RNF212B: variants seen among roughly 807,000 people sequenced by gnomAD.
RNF212B encodes E3 ubiquitin-protein ligase RNF212B.
In RNF212B, 52 loss-of-function variants were observed where a neutral mutation model predicts 55.5. The observed-to-expected ratio is 0.94, with a 90% CI of 0.75 to 1.18. The LOEUF is 1.18. Among genes scored for constraint, RNF212B ranks in the 50% most tolerant of loss-of-function variants. The probability of loss-of-function intolerance (pLI) is 0.00; values close to 1 mark genes in which losing one functional copy is unlikely to be tolerated. For synonymous variants in RNF212B, 99 were observed against 121.4 expected (o/e 0.82, Z 1.21); for missense variants, 289 against 350.4 (o/e 0.82, Z 1.40).
chr14:23,190,926 G>A (rs534834912), intron 1 of RNF212B, among the ~76,000 whole-genome samples: 111 of 152,242 alleles, frequency 7.3e-4, no homozygotes, highest in Non-Finnish European at 1.2e-3. Context: ...CTCAGGGCCT[G>A]GTAGTAGCTG....
At chr14:23,223,054 C>CA (rs55694130) in intron 2 of RNF212B, among the ~76,000 whole-genome samples, 87,996 of 124,284 alleles carry the variant, frequency 0.71, 31,497 homozygotes, top group South Asian at 0.86. Flanking sequence ...AACTCCGTCT[C>CA]AAAAAAAAAA....
chr14:23,202,440 G>A (rs899778329), intron 2 of RNF212B, among the ~76,000 whole-genome samples: 1 of 152,054 alleles, frequency 6.6e-6, no homozygotes, highest in Non-Finnish European at 1.5e-5. Flanking sequence ...CACCTCTTCC[G>A]TGATAGTCCC....
At chr14:23,196,403 T>C (rs1228172433) in intron 2 of RNF212B, among the ~76,000 whole-genome samples, 1 of 152,112 alleles carries the variant, frequency 6.6e-6, no homozygotes. Flanking sequence ...ACCAACCTCC[T>C]TTCAGTCCTC....
In RNF212B at chr14:23,230,448, A is replaced by C. The variant is rs1001593931; in HGVS notation, c.-1-9897A>C. ...GGCGGGTGGATCACGAGGTCAAGAGATCGAGACCATCCTGGCTAACACGGT... is the reference window on the plus strand; with the variant it reads ...GGCGGGTGGATCACGAGGTCAAGAGCTCGAGACCATCCTGGCTAACACGGT... On this transcript the variant is annotated intron_variant, in intron 2 of 15. Transcript: ENST00000399910. 2.6e-5 allele frequency among the ~76,000 whole-genome samples: 4 copies of C among 152,128 alleles called. No homozygotes were observed. In the East Asian group the frequency reaches 7.7e-4, roughly 29 times the overall value.
At chr14:23,258,364 G>C in intron 4 of RNF212B, 185 bp from the exon 5 acceptor site, 1 of 285,988 alleles carries the variant, frequency 3.5e-6, no homozygotes, top group Non-Finnish European at 6.4e-6. Context: ...AAAGACAGTA[G>C]AAGGCTAGTG....
intron 13 of RNF212B, 21 bp downstream of exon 13, chr14:23,269,981 A>G (rs750200543): frequency 7.9e-7 from 1 of 1,273,168 alleles, no homozygotes; most frequent in South Asian, 1.3e-5. Context: ...TAACATTTCC[A>G]AAGGAATGGA....
chr14:23,217,200 T>G (rs964866406), intron 2 of RNF212B, among the ~76,000 whole-genome samples: 1 of 150,396 alleles, frequency 6.6e-6, no homozygotes, highest in African/African-American at 2.5e-5. Context: ...TAAGTTAACA[T>G]CAGCAGTGGC....
intron 1 of RNF212B, among the ~76,000 whole-genome samples, 149 bp downstream of exon 1, chr14:23,238,204 G>A (rs1254497425): frequency 6.6e-6 from 1 of 152,120 alleles, no homozygotes; most frequent in African/African-American, 2.4e-5. Flanking sequence ...GTCAATTCAG[G>A]GGATGACATT....
rs143149950 is a variant in RNF212B at position 23,219,365 on chromosome 14, A to G, written c.-1-20980A>G. ...AATGATGAACTAATAAAAAATAACAACAACAGCTTTTTAAGACAAAGACAG... is the reference window on the plus strand; with the variant it reads ...AATGATGAACTAATAAAAAATAACAGCAACAGCTTTTTAAGACAAAGACAG... On this transcript the variant is annotated intron_variant, in intron 2 of 15. Coordinates refer to the RNF212B transcript ENST00000399910. Among the ~76,000 whole-genome samples, 449 of 152,362 alleles carry G rather than the reference A, an allele frequency of 2.9e-3. 2 individuals carry two copies. Among genetic ancestry groups the G allele is most frequent in the Non-Finnish European group, 5.2e-3 (353 of 68,026 alleles).
At chr14:23,262,009 A>G (rs146187230) in intron 7 of RNF212B, among the ~76,000 whole-genome samples, 1 of 151,936 alleles carries the variant, frequency 6.6e-6, no homozygotes, top group East Asian at 1.9e-4. Flanking sequence ...AACTCTCTCT[A>G]TATATACACA....
intron 2 of RNF212B, among the ~76,000 whole-genome samples, chr14:23,232,293 C>T (rs1307242836): frequency 6.6e-6 from 1 of 151,724 alleles, no homozygotes; most frequent in African/African-American, 2.4e-5. Context: ...TGCCCGGCCG[C>T]AACCCCATCT....
intron 2 of RNF212B, among the ~76,000 whole-genome samples, chr14:23,240,769 G>A (rs908635800): frequency 6.6e-6 from 1 of 152,216 alleles, no homozygotes; most frequent in Non-Finnish European, 1.5e-5. Context: ...GATGGGAATA[G>A]AGGAAAGTTT....
Position 23,208,757 on chromosome 14 carries a change from G to GTTTTTTTTTTTTTTTTTT in RNF212B, c.-2+15358_-2+15375dup, listed in dbSNP as rs1166613606. ...GCAGTCCCAAGGGCTGCTGGTTGCC[G>GTTTTTTTTTTTTTTTTTT]TTTTTTTTTTTTTTTTTTTGAGACG... On this transcript the variant is annotated intron_variant, in intron 2 of 15. Transcript: ENST00000399910. 2.9e-4 allele frequency among the ~76,000 whole-genome samples: 28 copies of GTTTTTTTTTTTTTTTTTT among 98,116 alleles called. 2 individuals are homozygous for GTTTTTTTTTTTTTTTTTT. The highest frequency in any genetic ancestry group is 1.1e-3 in the African/African-American group (25 of 21,896). 64.4% of individuals were successfully genotyped at this position (98,116 alleles called of 152,430 possible). A position where few individuals can be genotyped will look rare whatever the true frequency, so the allele number is the denominator to read the frequency against.
At chr14:23,229,638 T>A (rs1882380722) in intron 2 of RNF212B, among the ~76,000 whole-genome samples, 1 of 152,188 alleles carries the variant, frequency 6.6e-6, no homozygotes, top group Non-Finnish European at 1.5e-5. Context: ...TATGACTAAT[T>A]ATATTGAGAA....
At chr14:23,242,026 G>C (rs575413346) in intron 2 of RNF212B, among the ~76,000 whole-genome samples, 3 of 134,512 alleles carry the variant, frequency 2.2e-5, no homozygotes, top group African/African-American at 8.3e-5. Context: ...AGCTTGCAGT[G>C]AGCCAAGATC....
At chr14:23,232,647 G>A (rs973881112) in intron 2 of RNF212B, among the ~76,000 whole-genome samples, 1 of 151,270 alleles carries the variant, frequency 6.6e-6, no homozygotes, top group African/African-American at 2.4e-5. Flanking sequence ...GGAGTTGGGG[G>A]GTCAGCCCCC....
At chr14:23,243,191 T>C in intron 2 of RNF212B, 65 bp from the exon 3 acceptor site, 1 of 1,232,200 alleles carries the variant, frequency 8.1e-7, no homozygotes, top group South Asian at 1.3e-5. Context: ...TGCCATGTAC[T>C]TTAAGTCTTT....
chr14:23,253,901 C>T (rs959908667), intron 4 of RNF212B, among the ~76,000 whole-genome samples: 4 of 152,136 alleles, frequency 2.6e-5, no homozygotes, highest in African/African-American at 9.7e-5. Context: ...ATTTCTAAAA[C>T]TTAGTGACTT....
At chr14:23,234,437 T>A (rs978950001), upstream of RNF212B, among the ~76,000 whole-genome samples, 9 of 152,166 alleles carry the variant, frequency 5.9e-5, no homozygotes, top group Admixed American at 5.9e-4. Flanking sequence ...TTACTATTAT[T>A]TTCGTCTGGT....
Sources: allele counts gnomAD v4.1 joint callset (sites outside exome capture counted in the v4.1 genomes callset), GRCh38; gene constraint gnomAD v4.1.1; transcripts MANE v1.5; gene names NCBI Gene and HGNC (gene_info 2026-07-23, HGNC 2026-07-21).